Variants in EVL observed in about 807,000 individuals in gnomAD.
The protein encoded by EVL is ena/VASP-like protein.
A neutral mutation model predicts 59.6 loss-of-function variants in EVL; 21 were observed. The observed-to-expected ratio is 0.35, with a 90% CI of 0.25 to 0.51. EVL has a LOEUF of 0.51. Among genes scored for constraint, EVL ranks in the 20% least tolerant of loss-of-function variants. The pLI is 0.97. For missense variants in EVL, 462 were observed against 546.6 expected, an observed-to-expected ratio of 0.85 and a Z score of 1.54; for synonymous variants, 198 against 203.5, an observed-to-expected ratio of 0.97 and a Z score of 0.23.
rs1374444491 is a variant in EVL, at chr14:100,109,798, A to G, written c.358+12140A>G. ...AACACGCCTTCTCCAGCCACAGCCT[A>G]TGGAAGGGCCTTCAGCTGCTGTGGC... On this transcript the variant is annotated intron_variant, in intron 3 of 13. Transcript: ENST00000392920. The surrounding 1 kb of genome is among the most constrained non-coding windows in gnomAD (Gnocchi z 4.3). The G allele has an allele frequency of 8.3e-6, 4 of 480,544 alleles. No homozygotes were observed. The highest frequency in any genetic ancestry group is 1.8e-5 in the Non-Finnish European group (4 of 228,296). 29.8% of individuals were successfully genotyped at this position (480,544 alleles called of 1,614,324 possible). A position where few individuals can be genotyped will look rare whatever the true frequency, so the allele number is the denominator to read the frequency against.
chr14:100,129,499 ATCG>A lies in EVL; in HGVS notation c.718-62_718-60del, dbSNP rs758041364. 1,106 of 1,605,712 alleles carry A rather than the reference ATCG, an allele frequency of 6.9e-4. 1 individual carries two copies. Among genetic ancestry groups the A allele is most frequent in the Non-Finnish European group, 9.0e-4 (1,057 of 1,176,268 alleles). On this transcript the variant is annotated intron_variant, in intron 6 of 13. Coordinates refer to ENST00000392920, the MANE Select transcript of EVL (RefSeq NM_016337.3). ...CACACAGTCCCCTGCATCCCCTCAC[ATCG>A]TTGCTGCTCCTGTTCTGCCATCAGC... is the stretch of plus-strand genomic sequence containing the variant.
At chr14:100,135,719 GCTCGATT>G in intron 8 of EVL, 179 bp from the exon 9 acceptor site, 1 of 572,138 alleles carries the variant, frequency 1.7e-6, no homozygotes, top group Non-Finnish European at 3.1e-6. Flanking sequence ...TTGTCCACTG[GCTCGATT>G]CTCTCCCCAC....
intron 9 of EVL, chr14:100,136,962 T>G: frequency 6.5e-6 from 1 of 154,932 alleles, no homozygotes; most frequent in East Asian, 1.9e-4. Context: ...ACTGCCTCAA[T>G]CCCACCGTTG....
chr14:100,131,820 T>G (rs1700156261), intron 7 of EVL, among the ~76,000 whole-genome samples: 1 of 152,182 alleles, frequency 6.6e-6, no homozygotes, highest in African/African-American at 2.4e-5. Context: ...GAAGCTGGTG[T>G]CAGGGATGAT....
chr14:100,056,547 A>C (rs1379741652), intron 1 of EVL, among the ~76,000 whole-genome samples: 4 of 152,040 alleles, frequency 2.6e-5, no homozygotes, highest in Non-Finnish European at 4.4e-5. Flanking sequence ...CTGTCTTTTA[A>C]GTTTTTCTTT....
chr14:100,092,070 C>G (rs2062576856), intron 2 of EVL, among the ~76,000 whole-genome samples: 2 of 152,020 alleles, frequency 1.3e-5, no homozygotes, highest in Admixed American at 1.3e-4. Context: ...AAGACCTCGT[C>G]TCTACAAATA....
intron 2 of EVL, among the ~76,000 whole-genome samples, chr14:100,091,385 G>C (rs896741282): frequency 6.6e-5 from 9 of 136,264 alleles, no homozygotes; most frequent in African/African-American, 3.2e-4. Context: ...GCCTTGCTGG[G>C]TTTCCCCACT....
chr14:100,136,055 G>C, intron 9 of EVL, 87 bp downstream of exon 9: 3 of 1,470,276 alleles, frequency 2.0e-6, no homozygotes, highest in Non-Finnish European at 2.8e-6. Flanking sequence ...CTCTGATCCA[G>C]CCTCTTTAGT....
At position 100,141,525 on chromosome 14, in the gene EVL, C is replaced by T. The variant is rs115125391; in HGVS notation, c.1162-211C>T. Among the ~76,000 whole-genome samples, 1,144 of 152,324 alleles carry T rather than the reference C, an allele frequency of 7.5e-3. 19 individuals are homozygous for T. Among genetic ancestry groups the T allele is most frequent in the African/African-American group, 0.026 (1,078 of 41,572 alleles). On this transcript the variant is annotated intron_variant, in intron 12 of 13. Coordinates refer to ENST00000392920, the MANE Select transcript of EVL (RefSeq NM_016337.3). ...CCGAGGAAGCCCTTAGTTTCAGTGGCGTCTACCTGAGGGAGGTGGCAGCAG... is the reference window on the plus strand; with the variant it reads ...CCGAGGAAGCCCTTAGTTTCAGTGGTGTCTACCTGAGGGAGGTGGCAGCAG...
At chr14:100,005,979 CCTTTT>C (rs1442414760) in intron 1 of EVL, among the ~76,000 whole-genome samples, 3 of 146,524 alleles carry the variant, frequency 2.0e-5, no homozygotes, top group African/African-American at 7.6e-5. Context: ...AAAAATCTTT[CCTTTT>C]TTTTTTCCCC....
rs1256603577 is a variant in EVL, at chr14:100,136,093, G to A, written c.964+125G>A. ...GCCTGAGCAGAGGGCCAGGCCACAG[G>A]GAAGCCCATTTCTTATGGGTCCCCC... On this transcript the variant is annotated intron_variant, in intron 9 of 13. Coordinates refer to ENST00000392920, the MANE Select transcript of EVL (RefSeq NM_016337.3). 4.5e-6 allele frequency: 5 copies of A among 1,102,050 alleles called. No homozygotes were observed. The African/African-American group carries it at 7.9e-5, about 17-fold the overall frequency. The allele number at this position is 1,102,050 out of a possible 1,614,324, so 68.3% of individuals were successfully genotyped here.
chr14:99,971,994 G>C, exon 1 of EVL: 1 of 152,526 alleles, frequency 6.6e-6, no homozygotes. Flanking sequence ...GCGCCCCGCC[G>C]CCGCCGCCGC....
At chr14:100,091,284 G>C (rs1379761519) in intron 2 of EVL, among the ~76,000 whole-genome samples, 1 of 152,080 alleles carries the variant, frequency 6.6e-6, no homozygotes, top group Non-Finnish European at 1.5e-5. Context: ...TCTGATTGTG[G>C]GTGCTAAGAC....
At chr14:100,119,647 A>T (rs1887571421) in intron 3 of EVL, among the ~76,000 whole-genome samples, 1 of 152,228 alleles carries the variant, frequency 6.6e-6, no homozygotes, top group South Asian at 2.1e-4. Context: ...TTCAACAGTA[A>T]TGCGAACAAA....
intron 3 of EVL, among the ~76,000 whole-genome samples, chr14:100,115,045 CA>C (rs35310865): frequency 0.63 from 93,931 of 148,774 alleles, 29,926 homozygotes; most frequent in Admixed American, 0.69. Context: ...AGATTAGTCA[CA>C]AAAAAAAAAA....
At chr14:100,017,851 A>G (rs918249952) in intron 1 of EVL, among the ~76,000 whole-genome samples, 1 of 152,204 alleles carries the variant, frequency 6.6e-6, no homozygotes, top group African/African-American at 2.4e-5. Context: ...CTCACTCGTC[A>G]GTCGGCCTCG....
chr14:100,036,377 TC>T, intron 1 of EVL, among the ~76,000 whole-genome samples: 1 of 152,220 alleles, frequency 6.6e-6, no homozygotes, highest in East Asian at 1.9e-4. Flanking sequence ...TTTTCTGGGA[TC>T]AAGAGCTGTC....
chr14:100,123,522 T>C lies in EVL; in HGVS notation c.359-17T>C, dbSNP rs748282931. On this transcript the variant is annotated splice_polypyrimidine_tract_variant and intron_variant, in intron 3 of 13. Coordinates refer to ENST00000392920, the MANE Select transcript of EVL (RefSeq NM_016337.3). ...TCTTCCTCTAACCACACTGTTTCTG[T>C]GCTTCTCTGCCCACAGGCCCCTCCA... 7 of 1,613,588 alleles carry C rather than the reference T, an allele frequency of 4.3e-6. No individual in the cohort carries two copies. Among genetic ancestry groups the C allele is most frequent in the African/African-American group, 4.0e-5 (3 of 74,924 alleles).
Position 100,112,867 on chromosome 14 carries a change from C to T in EVL, c.359-10672C>T, listed in dbSNP as rs528439711. Among the ~76,000 whole-genome samples, 31 of 152,278 alleles carry T rather than the reference C, an allele frequency of 2.0e-4. 3 individuals carry two copies. In the South Asian group the frequency reaches 6.2e-3, roughly 31 times the overall value. Reference sequence around the variant, plus strand: ...AAGTTCCAGGGGAGCAGTTTGTATCCACAGCTATGACCCCATCTGTGAATT... The same window carrying T: ...AAGTTCCAGGGGAGCAGTTTGTATCTACAGCTATGACCCCATCTGTGAATT... On this transcript the variant is annotated intron_variant, in intron 3 of 13. Transcript: ENST00000392920.
Sources: allele counts gnomAD v4.1 joint callset (sites outside exome capture counted in the v4.1 genomes callset), GRCh38; gene constraint gnomAD v4.1.1; non-coding constraint Gnocchi (gnomAD v3.1); transcripts MANE v1.5; gene names NCBI Gene and HGNC (gene_info 2026-07-23, HGNC 2026-07-21).